Variants in PTPRG observed in about 807,000 individuals in gnomAD.
PTPRG encodes receptor-type tyrosine-protein phosphatase gamma.
Under a neutral mutation model 165.3 loss-of-function variants are expected in PTPRG, and 102 were observed. That is an observed-to-expected ratio of 0.62 (90% confidence interval 0.53 to 0.73). The LOEUF is 0.73. Among genes scored for constraint, PTPRG ranks in the 30% least tolerant of loss-of-function variants. PTPRG has a pLI of 0.00. For missense variants in PTPRG, 1,866 were observed against 1,861.4 expected (o/e 1.00, Z -0.05); for synonymous variants, 675 against 669.5 (o/e 1.01, Z -0.13).
chr3:61,870,868 A>G (rs1026099734), intron 2 of PTPRG, among the ~76,000 whole-genome samples: 2 of 152,150 alleles, frequency 1.3e-5, no homozygotes, highest in African/African-American at 4.8e-5. Context: ...ATTTACTAAA[A>G]GCTCAATTAA....
At chr3:61,842,359 G>A (rs1464101636) in intron 2 of PTPRG, among the ~76,000 whole-genome samples, 2 of 152,030 alleles carry the variant, frequency 1.3e-5, no homozygotes, top group African/African-American at 2.4e-5. Flanking sequence ...ATGCTCTCTC[G>A]CCAGTCTGGT....
At chr3:62,156,624 CA>C (rs1399958098) in intron 6 of PTPRG, among the ~76,000 whole-genome samples, 1 of 152,042 alleles carries the variant, frequency 6.6e-6, no homozygotes, top group African/African-American at 2.4e-5. Flanking sequence ...CATTGTGTCC[CA>C]AAGTTTGTTC....
chr3:62,182,499 C>T (rs1215073403), intron 8 of PTPRG, among the ~76,000 whole-genome samples: 1 of 152,204 alleles, frequency 6.6e-6, no homozygotes, highest in Non-Finnish European at 1.5e-5. Flanking sequence ...CTCAAAACCT[C>T]TGTTTTACGG....
intron 4 of PTPRG, among the ~76,000 whole-genome samples, chr3:62,067,192 A>T (rs1365505254): frequency 6.6e-6 from 1 of 151,950 alleles, no homozygotes; most frequent in Admixed American, 6.6e-5. Flanking sequence ...TCATGTTGAC[A>T]GGGGGTGTAG....
chr3:61,717,592 C>G (rs2031862256), intron 1 of PTPRG, among the ~76,000 whole-genome samples: 1 of 151,892 alleles, frequency 6.6e-6, no homozygotes, highest in Admixed American at 6.6e-5. Flanking sequence ...TCGAGACCAT[C>G]CTGGTCAACA....
At chr3:62,089,801 A>G (rs1701870641) in intron 5 of PTPRG, among the ~76,000 whole-genome samples, 1 of 152,192 alleles carries the variant, frequency 6.6e-6, no homozygotes, top group African/African-American at 2.4e-5. Flanking sequence ...TAGCTGTATA[A>G]AAATGATAGA....
At chr3:62,278,889 A>G (rs1390951173) in intron 26 of PTPRG, among the ~76,000 whole-genome samples, 1 of 152,024 alleles carries the variant, frequency 6.6e-6, no homozygotes, top group Non-Finnish European at 1.5e-5. Flanking sequence ...GTATTTTGTT[A>G]TTGTCACTTA....
intron 2 of PTPRG, among the ~76,000 whole-genome samples, chr3:61,940,950 A>G (rs2039611308): frequency 7.1e-6 from 1 of 141,628 alleles, no homozygotes; most frequent in African/African-American, 2.5e-5. Context: ...TGCTTCTTAT[A>G]TGATGGTCAA....
chr3:62,123,693 A>T (rs1703167730), intron 5 of PTPRG, among the ~76,000 whole-genome samples: 1 of 152,204 alleles, frequency 6.6e-6, no homozygotes. Context: ...CATCTCTGCC[A>T]CTATACAAGA....
chr3:61,834,770 G>GCACT (rs2036411906), intron 2 of PTPRG, among the ~76,000 whole-genome samples: 1 of 151,942 alleles, frequency 6.6e-6, no homozygotes, highest in African/African-American at 2.4e-5. Flanking sequence ...CTGAGATCGT[G>GCACT]CCACTGCACT....
chr3:62,189,623 T>TA, intron 8 of PTPRG, among the ~76,000 whole-genome samples: 1 of 152,282 alleles, frequency 6.6e-6, no homozygotes, highest in East Asian at 1.9e-4. Context: ...CTCCTAACTG[T>TA]AAGCTCTAGG....
chr3:61,638,618 T>TTTTTTTTG (rs1553643112), intron 1 of PTPRG, among the ~76,000 whole-genome samples: 8 of 116,312 alleles, frequency 6.9e-5, no homozygotes, highest in Non-Finnish European at 1.2e-4. Context: ...TTTTTTTTTT[T>TTTTTTTTG]GGGGTAGAGG....
chr3:62,282,546 C>CA lies in PTPRG; in HGVS notation c.3913-174dup, dbSNP rs779959795. Among the ~76,000 whole-genome samples the CA allele has an allele frequency of 5.9e-4, 80 of 136,636 alleles. 2 individuals are homozygous for CA. In the East Asian group the frequency reaches 0.011, roughly 19 times the overall value. 89.6% of individuals were successfully genotyped at this position (136,636 alleles called of 152,430 possible). On this transcript the variant is annotated intron_variant, in intron 27 of 29. Transcript: ENST00000474889. Reference sequence around the variant, plus strand: ...GCCTAGCCATGCTTTTTTTAAAAAACAAAAAAACAAAAAAAAAAAACCTTC... The same window carrying CA: ...GCCTAGCCATGCTTTTTTTAAAAAACAAAAAAAACAAAAAAAAAAAACCTTC...
At chr3:61,681,054 T>TAAAAAAAAAAA (rs61198100) in intron 1 of PTPRG, among the ~76,000 whole-genome samples, 50 of 65,972 alleles carry the variant, frequency 7.6e-4, no homozygotes, top group African/African-American at 1.4e-3. Flanking sequence ...CTTTATGTTC[T>TAAAAAAAAAAA]AAAAAAAAAA....
chr3:62,236,416 A>G (rs138483211), intron 14 of PTPRG, among the ~76,000 whole-genome samples: 13 of 152,318 alleles, frequency 8.5e-5, no homozygotes, highest in Non-Finnish European at 1.6e-4. Flanking sequence ...GCTCTTATTC[A>G]TGCAGGGTTT....
intron 4 of PTPRG, among the ~76,000 whole-genome samples, chr3:62,039,508 G>A (rs1700059845): frequency 6.6e-6 from 1 of 152,096 alleles, no homozygotes; most frequent in East Asian, 1.9e-4. Flanking sequence ...TGTGATGGGT[G>A]TTTATTCTAC....
At chr3:61,857,551 T>A (rs1055535883) in intron 2 of PTPRG, among the ~76,000 whole-genome samples, 1 of 152,180 alleles carries the variant, frequency 6.6e-6, no homozygotes, top group African/African-American at 2.4e-5. Flanking sequence ...TTCTTGAGTG[T>A]GACTCGATAA....
rs544264990 is a variant in PTPRG, at chr3:61,633,090, T to A, written c.85+70718T>A. On this transcript the variant is annotated intron_variant, in intron 1 of 29. Coordinates refer to ENST00000474889, the MANE Select transcript of PTPRG (RefSeq NM_002841.4). ...CCTCCTTAGGGAGACTTCCCTGATC[T>A]TTGTATCTAAAGCACATCCCATCCT... 4.9e-4 allele frequency among the ~76,000 whole-genome samples: 74 copies of A among 152,378 alleles called. 5 individuals are homozygous for A. The South Asian group carries it at 0.015, about 32-fold the overall frequency.
intron 2 of PTPRG, among the ~76,000 whole-genome samples, chr3:61,951,985 G>T (rs1284727303): frequency 6.6e-6 from 1 of 151,990 alleles, no homozygotes; most frequent in Non-Finnish European, 1.5e-5. Context: ...GGGTGTGGTG[G>T]TGCGTGCCTG....
Sources: allele counts gnomAD v4.1 joint callset (sites outside exome capture counted in the v4.1 genomes callset), GRCh38; gene constraint gnomAD v4.1.1; transcripts MANE v1.5; gene names NCBI Gene and HGNC (gene_info 2026-07-23, HGNC 2026-07-21).